The following TEKT5 variants were observed in gnomAD, a reference collection of about 807,000 sequenced individuals.
TEKT5 encodes tektin-5.
A neutral mutation model predicts 48.7 loss-of-function variants in TEKT5; 52 were observed. The observed-to-expected ratio is 1.07, with a 90% CI of 0.86 to 1.35. The LOEUF is 1.35. TEKT5 is among the 40% of genes most tolerant of loss of function. TEKT5 has a pLI of 0.00. For missense variants in TEKT5, 831 were observed against 641.6 expected (o/e 1.30, Z -3.19); for synonymous variants, 318 against 267.6 (o/e 1.19, Z -1.84).
At chr16:10,657,241 T>A (rs1026937890) in intron 5 of TEKT5, among the ~76,000 whole-genome samples, 3 of 151,776 alleles carry the variant, frequency 2.0e-5, no homozygotes, top group Non-Finnish European at 4.4e-5. Flanking sequence ...TTCTCCTGCC[T>A]CAGCCTTCTG....
intron 6 of TEKT5, among the ~76,000 whole-genome samples, chr16:10,631,080 A>ATT (rs1386149586): frequency 6.7e-6 from 1 of 149,996 alleles, no homozygotes; most frequent in Admixed American, 6.7e-5. Flanking sequence ...ATATATATAT[A>ATT]TATACACACA....
rs189193087 is a variant in TEKT5, at chr16:10,677,392, T to C, written c.864-1211A>G. Among the ~76,000 whole-genome samples the C allele has an allele frequency of 3.6e-3, 534 of 147,314 alleles. 94 individuals are homozygous for C. The highest frequency in any genetic ancestry group is 0.013 in the African/African-American group (485 of 37,592). On this transcript the variant is annotated intron_variant, in intron 4 of 6. Transcript: ENST00000283025. ...TGGGAGCCCGAGGCGGGCGGATCACTTGAGGCCAGGAATTTGAGACCAGCC... is the reference window on the plus strand; with the variant it reads ...TGGGAGCCCGAGGCGGGCGGATCACCTGAGGCCAGGAATTTGAGACCAGCC...
intron 3 of TEKT5, among the ~76,000 whole-genome samples, chr16:10,688,608 C>T (rs1034952296): frequency 1.4e-4 from 21 of 152,196 alleles, no homozygotes; most frequent in African/African-American, 4.8e-4. Context: ...GTGCCAGCTG[C>T]AGGTGGAGGT....
At chr16:10,693,530 G>A (rs1050377945) in intron 1 of TEKT5, among the ~76,000 whole-genome samples, 4 of 152,218 alleles carry the variant, frequency 2.6e-5, no homozygotes, top group Admixed American at 6.5e-5. Flanking sequence ...TGGTCACTAC[G>A]GACCCACACA....
chr16:10,691,925 GC>G (rs1898986625), intron 1 of TEKT5, among the ~76,000 whole-genome samples: 1 of 140,594 alleles, frequency 7.1e-6, no homozygotes, highest in South Asian at 2.4e-4. Flanking sequence ...TCCAGCCTGG[GC>G]AACAGAGCGA....
intron 6 of TEKT5, among the ~76,000 whole-genome samples, chr16:10,629,048 G>A (rs1897797407): frequency 6.6e-6 from 1 of 152,096 alleles, no homozygotes; most frequent in African/African-American, 2.4e-5. Flanking sequence ...TCCAGAAGAG[G>A]CAAAGCCATA....
chr16:10,639,091 G>C (rs149340919), intron 5 of TEKT5, among the ~76,000 whole-genome samples: 1 of 152,126 alleles, frequency 6.6e-6, no homozygotes, highest in Non-Finnish European at 1.5e-5. Context: ...AATCACTTGA[G>C]CCCAGGAGTT....
chr16:10,635,799 G>A lies in TEKT5; in HGVS notation c.1206C>T (p.Pro402=), dbSNP rs1255540005. The change falls in exon 6 of 7, where the codon CCC becomes CCT. Residue 402 remains proline (P), a synonymous_variant. Transcript: ENST00000283025. ...GGATGTCCCTGCACAGCTCCATGTT[G>A]GGGCGCCGGGTCCGGCACTCCAGCC... ...QTRLECRTRR[P]NMELCRDIPQ... 6.2e-6 allele frequency: 10 copies of A among 1,614,146 alleles called. No individual in the cohort carries two copies. The Admixed American group carries it at 1.7e-4, about 27-fold the overall frequency.
chr16:10,667,409 C>G (rs1211902784), intron 5 of TEKT5, among the ~76,000 whole-genome samples: 1 of 152,206 alleles, frequency 6.6e-6, no homozygotes, highest in East Asian at 1.9e-4. Context: ...AGGCAGCCAA[C>G]TGTTCAAATC....
chr16:10,634,674 CTG>C (rs1455150680), intron 6 of TEKT5, among the ~76,000 whole-genome samples: 2 of 152,172 alleles, frequency 1.3e-5, no homozygotes, highest in Non-Finnish European at 2.9e-5. Context: ...TTACAAAAGA[CTG>C]TGACATCCTT....
At chr16:10,657,801 C>T (rs538216555) in intron 5 of TEKT5, among the ~76,000 whole-genome samples, 4 of 150,820 alleles carry the variant, frequency 2.7e-5, no homozygotes, top group South Asian at 2.1e-4. Flanking sequence ...AGGGTTTTAC[C>T]GTGTTAGCCA....
intron 4 of TEKT5, among the ~76,000 whole-genome samples, chr16:10,678,616 A>G (rs959403106): frequency 3.9e-5 from 6 of 152,204 alleles, no homozygotes; most frequent in Non-Finnish European, 7.3e-5. Flanking sequence ...ATCTTGTTCA[A>G]GGCCGCACAA....
intron 5 of TEKT5, among the ~76,000 whole-genome samples, chr16:10,674,770 G>T (rs1898614690): frequency 1.3e-5 from 2 of 151,668 alleles, no homozygotes; most frequent in African/African-American, 4.8e-5. Context: ...AACCCTGCCT[G>T]CAGCCCACTA....
Position 10,694,759 on chromosome 16 carries a change from A to AG in TEKT5, c.114dup (p.Tyr39LeufsTer15). ...AGGTAGCGGTACCCGGGCAGGTAGT[A>AG]GGGCTGATAGCATTCCTGGATCACT... On this transcript the variant is annotated frameshift_variant, in exon 1 of 7. Coordinates refer to ENST00000283025, the MANE Select transcript of TEKT5 (RefSeq NM_144674.2). LOFTEE classifies it high-confidence loss of function. 1 of 1,614,124 alleles carries AG rather than the reference A, an allele frequency of 6.2e-7. No homozygotes were observed. Among genetic ancestry groups the AG allele is most frequent in the Non-Finnish European group, 8.5e-7 (1 of 1,179,998 alleles).
intron 1 of TEKT5, among the ~76,000 whole-genome samples, chr16:10,691,817 G>A (rs1030769823): frequency 1.3e-5 from 2 of 151,860 alleles, no homozygotes; most frequent in Admixed American, 6.6e-5. Context: ...GCATAGTGGC[G>A]GGCGCCTGTA....
At chr16:10,674,835 T>C (rs944398835) in intron 5 of TEKT5, among the ~76,000 whole-genome samples, 2 of 151,530 alleles carry the variant, frequency 1.3e-5, no homozygotes, top group African/African-American at 4.8e-5. Context: ...ATTTTTTTTT[T>C]TTTTCTTGAT....
chr16:10,687,403 G>A (rs1485370524), intron 3 of TEKT5, among the ~76,000 whole-genome samples: 7 of 152,142 alleles, frequency 4.6e-5, no homozygotes, highest in Non-Finnish European at 7.3e-5. Context: ...ATAAAACAAA[G>A]ACACTGGCCT....
intron 5 of TEKT5, among the ~76,000 whole-genome samples, chr16:10,675,335 A>T (rs1898625540): frequency 6.6e-6 from 1 of 152,256 alleles, no homozygotes; most frequent in Non-Finnish European, 1.5e-5. Context: ...GTGGGAATCT[A>T]AATTTGCATT....
chr16:10,652,813 AC>A (rs1898189069), intron 5 of TEKT5, among the ~76,000 whole-genome samples: 1 of 54,082 alleles, frequency 1.8e-5, no homozygotes, highest in Non-Finnish European at 2.9e-5. Flanking sequence ...GCCAGGTAGA[AC>A]GATCCCTTAT....
Sources: allele counts gnomAD v4.1 joint callset (sites outside exome capture counted in the v4.1 genomes callset), GRCh38; gene constraint gnomAD v4.1.1; transcripts MANE v1.5; gene names NCBI Gene and HGNC (gene_info 2026-07-23, HGNC 2026-07-21).